The following KAZN variants were observed in gnomAD, a reference collection of about 807,000 sequenced individuals.
KAZN encodes kazrin, periplakin interacting protein.
Under a neutral mutation model 87.4 loss-of-function variants are expected in KAZN, and 40 were observed. The ratio of observed to expected loss-of-function variants is 0.46; its 90% CI spans 0.36 to 0.60. The LOEUF (loss-of-function observed/expected upper bound fraction) is 0.60, where lower values mean the gene tolerates loss of function less well. Among genes scored for constraint, KAZN ranks in the 20% least tolerant of loss-of-function variants. The pLI is 0.00. For synonymous variants in KAZN, 466 were observed against 458.3 expected (o/e 1.02, Z -0.22); for missense variants, 898 against 1,073.9 (o/e 0.84, Z 2.29).
intron 1 of KAZN, among the ~76,000 whole-genome samples, chr1:14,081,845 C>T (rs368640365): frequency 1.4e-4 from 21 of 152,162 alleles, no homozygotes; most frequent in Non-Finnish European, 2.2e-4. Context: ...CTTAACCTTC[C>T]GGGCTAGATC....
At chr1:14,180,533 GAGA>G in exon 2 of KAZN, 1 of 1,550,378 alleles carries the variant, frequency 6.5e-7, no homozygotes, top group Non-Finnish European at 8.7e-7. Context: ...TCTACCCACT[GAGA>G]AGGAGACTCT....
chr1:14,490,902 A>G (rs1669614625), intron 2 of KAZN, among the ~76,000 whole-genome samples: 1 of 152,208 alleles, frequency 6.6e-6, no homozygotes. Flanking sequence ...CATTTTTCCA[A>G]ATAAACTTTA....
intron 1 of KAZN, among the ~76,000 whole-genome samples, chr1:14,052,133 T>C (rs529841340): frequency 6.6e-6 from 1 of 152,286 alleles, no homozygotes; most frequent in African/African-American, 2.4e-5. Context: ...ACACCATCAC[T>C]GGCACCCGGC....
At chr1:13,895,840 C>T (rs1272477924) in intron 1 of KAZN, among the ~76,000 whole-genome samples, 2 of 152,076 alleles carry the variant, frequency 1.3e-5, no homozygotes, top group Non-Finnish European at 2.9e-5. Flanking sequence ...TAAGTTACGG[C>T]TCATACTCCT....
intron 2 of KAZN, among the ~76,000 whole-genome samples, chr1:14,329,409 C>A (rs937855717): frequency 6.6e-6 from 1 of 152,172 alleles, no homozygotes; most frequent in African/African-American, 2.4e-5. Context: ...GTGCTCTAAG[C>A]AGAAGAGGGA....
intron 1 of KAZN, among the ~76,000 whole-genome samples, chr1:14,957,143 G>A (rs958163768): frequency 6.6e-6 from 1 of 152,184 alleles, no homozygotes; most frequent in Admixed American, 6.5e-5. Flanking sequence ...CTGGAATGTA[G>A]GTGGGCCCCA....
intron 1 of KAZN, chr1:14,692,341 C>T (rs993156666): frequency 1.1e-4 from 44 of 411,540 alleles, no homozygotes; most frequent in Non-Finnish European, 1.6e-4. Context: ...CTCATTTTTT[C>T]GATCTTTTCT....
At chr1:14,888,182 C>T (rs1654306698) in intron 1 of KAZN, among the ~76,000 whole-genome samples, 1 of 152,140 alleles carries the variant, frequency 6.6e-6, no homozygotes, top group African/African-American at 2.4e-5. Flanking sequence ...CGTGCCTCGC[C>T]GGAGCGGTGC....
Position 14,823,099 on chromosome 1 carries a change from G to A in KAZN, c.227-137585G>A, listed in dbSNP as rs943520071. On this transcript the variant is annotated intron_variant, in intron 1 of 14. Transcript: ENST00000376030. ...TCGGCTTCCCCCTGCAACCAGCCCCGTTCTCCTCCCTCTGTAGAGCAGCCT... is the reference window on the plus strand; with the variant it reads ...TCGGCTTCCCCCTGCAACCAGCCCCATTCTCCTCCCTCTGTAGAGCAGCCT... Among the ~76,000 whole-genome samples the A allele has an allele frequency of 4.0e-5, 6 of 151,812 alleles. No homozygotes were observed. The South Asian group carries it at 8.3e-4, about 21-fold the overall frequency.
intron 1 of KAZN, among the ~76,000 whole-genome samples, chr1:14,101,576 C>T (rs772656875): frequency 1.3e-5 from 2 of 152,088 alleles, no homozygotes; most frequent in Admixed American, 6.5e-5. Flanking sequence ...GTGAAGGTGT[C>T]GTGGATCATT....
chr1:14,358,705 T>A (rs1259485871), intron 2 of KAZN, among the ~76,000 whole-genome samples: 1 of 152,194 alleles, frequency 6.6e-6, no homozygotes, highest in Admixed American at 6.5e-5. Flanking sequence ...CAGGAGTAGG[T>A]TGTTCAGTTT....
chr1:14,452,643 G>T (rs1223427364), intron 2 of KAZN, among the ~76,000 whole-genome samples: 1 of 144,840 alleles, frequency 6.9e-6, no homozygotes, highest in African/African-American at 2.6e-5. Flanking sequence ...AGAGTCAGAT[G>T]GAAAGTGCCT....
At chr1:15,033,244 G>A (rs1316387111) in intron 2 of KAZN, among the ~76,000 whole-genome samples, 3 of 152,138 alleles carry the variant, frequency 2.0e-5, no homozygotes, top group Non-Finnish European at 4.4e-5. Flanking sequence ...ACTGAGCAAT[G>A]GCCCTCCTTG....
chr1:14,742,496 T>G (rs1006958006), intron 1 of KAZN, among the ~76,000 whole-genome samples: 1 of 152,070 alleles, frequency 6.6e-6, no homozygotes, highest in African/African-American at 2.4e-5. Flanking sequence ...AATGAAGGAA[T>G]GAGCGAATGA....
At chr1:14,136,459 G>A (rs1037614644) in intron 1 of KAZN, among the ~76,000 whole-genome samples, 2 of 152,172 alleles carry the variant, frequency 1.3e-5, no homozygotes, top group African/African-American at 4.8e-5. Context: ...CTAAACAATT[G>A]CAAAGCAGGT....
chr1:14,579,496 G>T (rs1675396427), intron 2 of KAZN, among the ~76,000 whole-genome samples: 1 of 151,974 alleles, frequency 6.6e-6, no homozygotes, highest in Non-Finnish European at 1.5e-5. Context: ...GTGGTGGCGG[G>T]CGCCTGTAGT....
intron 1 of KAZN, among the ~76,000 whole-genome samples, chr1:14,931,327 C>G (rs2101577002): frequency 6.6e-6 from 1 of 152,072 alleles, no homozygotes; most frequent in South Asian, 2.1e-4. Context: ...GCCTGTAGTC[C>G]CAGCTACTCG....
At chr1:15,055,733 C>T (rs1674880952) in intron 4 of KAZN, among the ~76,000 whole-genome samples, 1 of 152,192 alleles carries the variant, frequency 6.6e-6, no homozygotes, top group African/African-American at 2.4e-5. Flanking sequence ...TTTATGTAAG[C>T]AGTGCCCCCT....
chr1:13,912,893 G>T (rs915297238), intron 1 of KAZN, among the ~76,000 whole-genome samples: 4 of 152,178 alleles, frequency 2.6e-5, no homozygotes, highest in Non-Finnish European at 1.5e-5. Context: ...ACTGTGCCTG[G>T]CCCTAATGCA....
Sources: allele counts gnomAD v4.1 joint callset (sites outside exome capture counted in the v4.1 genomes callset), GRCh38; gene constraint gnomAD v4.1.1; transcripts MANE v1.5; gene names NCBI Gene and HGNC (gene_info 2026-07-23, HGNC 2026-07-21).